HPSE2: variants seen among roughly 807,000 people sequenced by gnomAD.
HPSE2 encodes the protein inactive heparanase-2.
A neutral mutation model predicts 60.5 loss-of-function variants in HPSE2; 38 were observed. The observed-to-expected ratio is 0.63, with a 90% CI of 0.48 to 0.82. The LOEUF (loss-of-function observed/expected upper bound fraction) is 0.82, where lower values mean the gene tolerates loss of function less well. Among genes scored for constraint, HPSE2 ranks in the 40% least tolerant of loss-of-function variants. The pLI is 0.00. For missense variants in HPSE2, 713 were observed against 740.4 expected (o/e 0.96, Z 0.43); for synonymous variants, 295 against 293.2 (o/e 1.01, Z -0.06).
chr10:99,269,021 T>C, the HPSE2 span, among the ~76,000 whole-genome samples: 4,185 of 152,090 alleles, frequency 0.028, 192 homozygotes, highest in African/African-American at 0.095. Flanking sequence ...TAGCTGGGCA[T>C]GGTGGCAGGT....
chr10:98,850,153 AAGCGCT>A (rs1200301813), intron 3 of HPSE2, among the ~76,000 whole-genome samples: 3 of 152,212 alleles, frequency 2.0e-5, no homozygotes, highest in Admixed American at 6.5e-5. Context: ...CTTTGCTAAA[AAGCGCT>A]AGTCTTATAC....
At chr10:99,180,545 A>T (rs1434107682) in intron 2 of HPSE2, among the ~76,000 whole-genome samples, 1 of 152,150 alleles carries the variant, frequency 6.6e-6, no homozygotes, top group African/African-American at 2.4e-5. Context: ...AATCAAAACC[A>T]CAATGAGATA....
chr10:98,826,988 A>G (rs575405373), intron 3 of HPSE2, among the ~76,000 whole-genome samples: 5 of 152,004 alleles, frequency 3.3e-5, no homozygotes, highest in African/African-American at 1.2e-4. Context: ...TCACTACAAA[A>G]TTTTTTTAAA....
intron 3 of HPSE2, among the ~76,000 whole-genome samples, chr10:98,796,733 G>T (rs534832789): frequency 6.6e-6 from 1 of 152,330 alleles, no homozygotes; most frequent in East Asian, 1.9e-4. Context: ...CCAGTGCTGG[G>T]ATAGCATCAG....
At chr10:98,726,033 G>T (rs980582422) in intron 4 of HPSE2, among the ~76,000 whole-genome samples, 2 of 152,158 alleles carry the variant, frequency 1.3e-5, no homozygotes, top group Non-Finnish European at 2.9e-5. Context: ...TTACACCATT[G>T]GTGGGACTGT....
chr10:99,075,925 T>C (rs1842938206), intron 3 of HPSE2, among the ~76,000 whole-genome samples: 1 of 152,162 alleles, frequency 6.6e-6, no homozygotes, highest in Non-Finnish European at 1.5e-5. Flanking sequence ...TAAAATGAGT[T>C]TCTTATAGAC....
At chr10:98,733,713 T>C (rs1054725552) in intron 4 of HPSE2, among the ~76,000 whole-genome samples, 6 of 152,118 alleles carry the variant, frequency 3.9e-5, no homozygotes, top group Non-Finnish European at 2.9e-5. Context: ...TATGCAAATA[T>C]AGGATGACAA....
intron 11 of HPSE2, 86 bp from the exon 12 acceptor site, chr10:98,459,825 G>A (rs949456480): frequency 1.7e-5 from 21 of 1,255,554 alleles, no homozygotes; most frequent in Non-Finnish European, 2.4e-5. Flanking sequence ...TGGCCTGGCA[G>A]TGTCTGATAC....
chr10:98,686,165 ATCTT>A (rs1433089943), intron 6 of HPSE2, among the ~76,000 whole-genome samples: 2 of 151,986 alleles, frequency 1.3e-5, no homozygotes, highest in African/African-American at 4.8e-5. Flanking sequence ...TTCTGCTTAT[ATCTT>A]TATTTCCTTC....
chr10:98,873,040 T>A (rs1176898399), intron 3 of HPSE2, among the ~76,000 whole-genome samples: 1 of 152,094 alleles, frequency 6.6e-6, no homozygotes, highest in African/African-American at 2.4e-5. Context: ...CACTTGGTCA[T>A]CTTAGAGCCA....
At chr10:99,264,193 TTCTC>T in the HPSE2 span, among the ~76,000 whole-genome samples, 40 of 151,720 alleles carry the variant, frequency 2.6e-4, no homozygotes, top group African/African-American at 9.2e-4. Context: ...ATTCACACCA[TTCTC>T]CTGCCTCAGA....
intron 2 of HPSE2, among the ~76,000 whole-genome samples, chr10:99,146,245 G>T (rs916473415): frequency 6.6e-6 from 1 of 152,098 alleles, no homozygotes; most frequent in Non-Finnish European, 1.5e-5. Flanking sequence ...AAAGTAAATG[G>T]CAGACATTGT....
chr10:98,614,386 G>A (rs187964094), intron 9 of HPSE2, among the ~76,000 whole-genome samples: 184 of 150,790 alleles, frequency 1.2e-3, no homozygotes, highest in South Asian at 6.3e-4. Context: ...TCTGCCTCTC[G>A]GGTTCATGCC....
intron 3 of HPSE2, among the ~76,000 whole-genome samples, chr10:99,066,947 G>A (rs2135537536): frequency 6.6e-6 from 1 of 152,290 alleles, no homozygotes; most frequent in Middle Eastern, 3.4e-3. Flanking sequence ...TCAAAAGCAA[G>A]TTAGTTACTT....
At chr10:99,026,352 A>G (rs1957377292) in intron 3 of HPSE2, among the ~76,000 whole-genome samples, 1 of 152,134 alleles carries the variant, frequency 6.6e-6, no homozygotes, top group Admixed American at 6.5e-5. Flanking sequence ...ATGTCAGGAG[A>G]AAAACTATCA....
intron 9 of HPSE2, among the ~76,000 whole-genome samples, chr10:98,530,872 C>T (rs574365716): frequency 1.3e-5 from 2 of 152,228 alleles, no homozygotes; most frequent in Non-Finnish European, 2.9e-5. Context: ...GTAGAGGGAC[C>T]CTCCACTGAG....
chr10:99,249,167 C>T, the HPSE2 span, among the ~76,000 whole-genome samples: 1 of 152,132 alleles, frequency 6.6e-6, no homozygotes, highest in African/African-American at 2.4e-5. Flanking sequence ...TTCTTCAGAC[C>T]CCAGAATGGT....
chr10:98,753,127 A>G (rs1184628373), intron 3 of HPSE2, among the ~76,000 whole-genome samples: 2 of 152,210 alleles, frequency 1.3e-5, no homozygotes, highest in Non-Finnish European at 2.9e-5. Context: ...CAAGAGATCT[A>G]TTGTGGAACA....
At chr10:99,235,399 T>G in intron 1 of HPSE2, 114 bp downstream of exon 1, 1 of 992,584 alleles carries the variant, frequency 1.0e-6, no homozygotes, top group Admixed American at 1.8e-5. Context: ...TTTCTTCTCT[T>G]TGAGAGATCT....
Sources: gnomAD v4.1 joint callset for allele counts (sites outside exome capture counted in the v4.1 genomes callset) on GRCh38, gnomAD v4.1.1 for gene constraint, MANE v1.5 for transcripts, NCBI Gene and HGNC (gene_info 2026-07-23, HGNC 2026-07-21) for gene names.